Variants in FREM2 observed in about 807,000 individuals in gnomAD.
FREM2 encodes the protein FRAS1-related extracellular matrix protein 2.
A neutral mutation model predicts 219.9 loss-of-function variants in FREM2; 119 were observed. The ratio of observed to expected loss-of-function variants is 0.54; its 90% CI spans 0.47 to 0.63. FREM2 has a LOEUF of 0.63. Among genes scored for constraint, FREM2 ranks in the 30% least tolerant of loss-of-function variants. The pLI is 0.00. For synonymous variants in FREM2, 1,562 were observed against 1,522.8 expected, an observed-to-expected ratio of 1.03 and a Z score of -0.60; for missense variants, 4,030 against 3,993.6, an observed-to-expected ratio of 1.01 and a Z score of -0.25.
chr13:38,747,165 T>C (rs1872517940), intron 2 of FREM2, among the ~76,000 whole-genome samples: 1 of 152,056 alleles, frequency 6.6e-6, no homozygotes, highest in Admixed American at 6.6e-5. Context: ...AGAAGAAATA[T>C]AGATCTTCCC....
chr13:38,748,981 T>C (rs781319301), intron 2 of FREM2, among the ~76,000 whole-genome samples: 1 of 152,134 alleles, frequency 6.6e-6, no homozygotes, highest in Non-Finnish European at 1.5e-5. Flanking sequence ...TATTTCTCTT[T>C]TGGGCTACAA....
intron 16 of FREM2, among the ~76,000 whole-genome samples, chr13:38,865,999 A>G (rs1175547711): frequency 1.3e-5 from 2 of 152,042 alleles, no homozygotes; most frequent in Non-Finnish European, 2.9e-5. Context: ...TAACAAATCT[A>G]CCTCTTTTTC....
intron 16 of FREM2, among the ~76,000 whole-genome samples, chr13:38,869,024 A>C (rs564205941): frequency 6.6e-6 from 1 of 152,358 alleles, no homozygotes; most frequent in East Asian, 1.9e-4. Context: ...CCAAGCGCCT[A>C]GCAGACATTA....
chr13:38,712,389 C>T (rs145001351), intron 2 of FREM2, among the ~76,000 whole-genome samples: 2 of 152,178 alleles, frequency 1.3e-5, no homozygotes, highest in East Asian at 3.9e-4. Context: ...CTGATTAGGC[C>T]GCCTTTGAAT....
intron 2 of FREM2, among the ~76,000 whole-genome samples, chr13:38,758,011 A>G (rs1433742754): frequency 6.6e-6 from 1 of 152,214 alleles, no homozygotes; most frequent in African/African-American, 2.4e-5. Context: ...GGAGAAAATG[A>G]TAGAACAATT....
rs114470807 is a variant in FREM2 at position 38,805,860 on chromosome 13, C to T, written c.6019+21052C>T. Among the ~76,000 whole-genome samples the T allele has an allele frequency of 4.6e-5, 7 of 151,568 alleles. No homozygotes were observed. The South Asian group carries it at 1.5e-3, about 32-fold the overall frequency. On this transcript the variant is annotated intron_variant, in intron 6 of 23. Transcript: ENST00000280481. Reference sequence around the variant, plus strand: ...ATGGAATTGTCAAATAATAAATATACCTTTAGGCCCTTTTAAATAAGCTGT... The same window carrying T: ...ATGGAATTGTCAAATAATAAATATATCTTTAGGCCCTTTTAAATAAGCTGT...
intron 6 of FREM2, among the ~76,000 whole-genome samples, chr13:38,828,874 A>G (rs1276040819): frequency 6.6e-6 from 1 of 152,088 alleles, no homozygotes; most frequent in Non-Finnish European, 1.5e-5. Context: ...GGGCATTTAG[A>G]CTGGTTTCAG....
At chr13:38,869,915 C>A (rs1336278777) in intron 16 of FREM2, among the ~76,000 whole-genome samples, 1 of 152,210 alleles carries the variant, frequency 6.6e-6, no homozygotes, top group African/African-American at 2.4e-5. Flanking sequence ...AGCTGTTTTG[C>A]GACATAGAAT....
chr13:38,836,553 G>A (rs955917601), intron 6 of FREM2, among the ~76,000 whole-genome samples: 1 of 152,084 alleles, frequency 6.6e-6, no homozygotes, highest in Non-Finnish European at 1.5e-5. Flanking sequence ...GGTAGAATTC[G>A]GCTGTGAATC....
chr13:38,774,321 A>G (rs1873788886), intron 4 of FREM2, among the ~76,000 whole-genome samples: 1 of 152,224 alleles, frequency 6.6e-6, no homozygotes, highest in African/African-American at 2.4e-5. Flanking sequence ...TGTATATTCA[A>G]CAAATGCTTA....
At chr13:38,773,870 C>G (rs892741834) in intron 4 of FREM2, among the ~76,000 whole-genome samples, 8 of 151,920 alleles carry the variant, frequency 5.3e-5, no homozygotes, top group African/African-American at 1.9e-4. Context: ...GTTTATAACT[C>G]TGTGATTTAT....
In FREM2 at chr13:38,878,947, A is replaced by T. The variant is rs1261868050; in HGVS notation, c.8976A>T (p.Gly2992=). The T allele has an allele frequency of 2.5e-6, 4 of 1,614,046 alleles. No homozygotes were observed. Among genetic ancestry groups the T allele is most frequent in the Non-Finnish European group, 2.5e-6 (3 of 1,180,010 alleles). Residue 2992 remains glycine, a synonymous_variant, in exon 23 of 24, where the codon GGA becomes GGT. Coordinates refer to ENST00000280481, the MANE Select transcript of FREM2 (RefSeq NM_207361.6). Reference sequence around the variant, plus strand: ...TAGTGAATCAGCCTGGATCTGATGGATTTAAAGTCGACTCAACACCACTCT... The same window carrying T: ...TAGTGAATCAGCCTGGATCTGATGGTTTTAAAGTCGACTCAACACCACTCT... ...ILLVNQPGSD[G]FKVDSTPLFQ... is the part of the protein sequence containing the mutation.
At chr13:38,808,823 A>G (rs995535382) in intron 6 of FREM2, among the ~76,000 whole-genome samples, 1 of 151,980 alleles carries the variant, frequency 6.6e-6, no homozygotes, top group Non-Finnish European at 1.5e-5. Flanking sequence ...GTGAGAGCAC[A>G]TGCTGTTGGA....
chr13:38,797,957 C>A (rs1322873136), intron 6 of FREM2, among the ~76,000 whole-genome samples: 1 of 151,960 alleles, frequency 6.6e-6, no homozygotes, highest in Non-Finnish European at 1.5e-5. Context: ...AGTTTTAATT[C>A]CTTTTCTTTC....
intron 2 of FREM2, among the ~76,000 whole-genome samples, chr13:38,729,813 A>G (rs926423867): frequency 6.6e-6 from 1 of 152,212 alleles, no homozygotes; most frequent in Non-Finnish European, 1.5e-5. Flanking sequence ...CTTGTATTCC[A>G]TAGAGTGAGT....
chr13:38,715,028 G>A (rs886260585), intron 2 of FREM2, among the ~76,000 whole-genome samples: 2 of 152,124 alleles, frequency 1.3e-5, no homozygotes, highest in African/African-American at 4.8e-5. Flanking sequence ...GGAGGTGGAG[G>A]TTACAGTGAG....
intron 2 of FREM2, among the ~76,000 whole-genome samples, chr13:38,736,269 G>A (rs555447833): frequency 1.3e-5 from 2 of 152,230 alleles, no homozygotes; most frequent in Non-Finnish European, 1.5e-5. Flanking sequence ...TCTGGCCTTA[G>A]GGAGCTACAA....
chr13:38,750,193 C>T (rs1178177647), intron 2 of FREM2, among the ~76,000 whole-genome samples: 2 of 152,106 alleles, frequency 1.3e-5, no homozygotes, highest in African/African-American at 4.8e-5. Flanking sequence ...CTCTGTGTCC[C>T]CACCCAAACC....
chr13:38,879,834 A>AT (rs142244366), intron 23 of FREM2, among the ~76,000 whole-genome samples: 1 of 152,106 alleles, frequency 6.6e-6, no homozygotes, highest in African/African-American at 2.4e-5. Flanking sequence ...TTGAAAATTG[A>AT]TTTTTTCCCC....
Sources: gnomAD v4.1 joint callset for allele counts (sites outside exome capture counted in the v4.1 genomes callset) on GRCh38, gnomAD v4.1.1 for gene constraint, MANE v1.5 for transcripts, NCBI Gene and HGNC (gene_info 2026-07-23, HGNC 2026-07-21) for gene names.